LRRTM4: variants seen among roughly 807,000 people sequenced by gnomAD.
The protein encoded by LRRTM4 is leucine-rich repeat transmembrane neuronal protein 4.
A neutral mutation model predicts 47.6 loss-of-function variants in LRRTM4; 25 were observed. The ratio of observed to expected loss-of-function variants is 0.53; its 90% CI spans 0.38 to 0.73. LRRTM4 has a LOEUF of 0.73. LRRTM4 is among the 30% of genes least tolerant of loss of function. LRRTM4 has a pLI of 0.00. For missense variants in LRRTM4, 638 were observed against 713.4 expected, an observed-to-expected ratio of 0.89 and a Z score of 1.20; for synonymous variants, 311 against 269.5, an observed-to-expected ratio of 1.15 and a Z score of -1.51.
intron 3 of LRRTM4, among the ~76,000 whole-genome samples, chr2:77,077,173 A>T (rs1213805772): frequency 6.6e-6 from 1 of 152,332 alleles, no homozygotes; most frequent in East Asian, 1.9e-4. Context: ...ATATTGATTA[A>T]TGAGTTTGAT....
chr2:77,383,042 C>T (rs775928491), intron 3 of LRRTM4, among the ~76,000 whole-genome samples: 7 of 151,914 alleles, frequency 4.6e-5, no homozygotes, highest in Non-Finnish European at 7.4e-5. Context: ...CATGTTATTG[C>T]TAACATATAC....
intron 3 of LRRTM4, among the ~76,000 whole-genome samples, chr2:77,000,383 T>G (rs1677374195): frequency 6.6e-6 from 1 of 152,120 alleles, no homozygotes; most frequent in Non-Finnish European, 1.5e-5. Context: ...TTCAAAGGGT[T>G]ACAATAAATG....
chr2:77,253,528 A>C (rs1675679793), intron 3 of LRRTM4, among the ~76,000 whole-genome samples: 1 of 152,134 alleles, frequency 6.6e-6, no homozygotes, highest in Admixed American at 6.6e-5. Flanking sequence ...GTTATTCATA[A>C]TTTAATTTTT....
intron 3 of LRRTM4, among the ~76,000 whole-genome samples, chr2:76,950,338 T>C (rs964215573): frequency 2.0e-5 from 3 of 151,976 alleles, no homozygotes; most frequent in African/African-American, 7.2e-5. Context: ...GGTATTGGGA[T>C]GGAGTCAGAC....
At chr2:76,907,373 G>A (rs908856045) in intron 3 of LRRTM4, among the ~76,000 whole-genome samples, 13 of 150,804 alleles carry the variant, frequency 8.6e-5, no homozygotes, top group Non-Finnish European at 1.8e-4. Context: ...AGCACTAAAT[G>A]CCCACAAGAA....
In LRRTM4 at chr2:76,817,777, T is replaced by G. The variant is rs115458045; in HGVS notation, c.1552-68861A>C. 7.3e-3 allele frequency among the ~76,000 whole-genome samples: 1,118 copies of G among 152,118 alleles called. 15 individuals are homozygous for G. The highest frequency in any genetic ancestry group is 0.026 in the African/African-American group (1,065 of 41,530). ...TTAAATGGTCTTTGAACAAGAGATA[T>G]TTTTAACGATCCTATCAAATTTGCG... is the stretch of plus-strand genomic sequence containing the variant. On this transcript the variant is annotated intron_variant, in intron 3 of 3. Coordinates refer to ENST00000409884, the MANE Select transcript of LRRTM4 (RefSeq NM_001134745.3).
chr2:77,247,788 A>G (rs1675488363), intron 3 of LRRTM4, among the ~76,000 whole-genome samples: 1 of 152,052 alleles, frequency 6.6e-6, no homozygotes. Context: ...TGTCTATAAT[A>G]AAAGAAGTTT....
At position 77,075,045 on chromosome 2, in the gene LRRTM4, C is replaced by T. The variant is rs373400471; in HGVS notation, c.1552-326129G>A. ...CAAAACTGTCTCTGAGACACAGAAA[C>T]CAGATCAATATTCTTGCATAAAAAT... On this transcript the variant is annotated intron_variant, in intron 3 of 3. Coordinates refer to ENST00000409884, the MANE Select transcript of LRRTM4 (RefSeq NM_001134745.3). Among the ~76,000 whole-genome samples the T allele has an allele frequency of 4.6e-5, 7 of 152,170 alleles. No homozygotes were observed. The South Asian group carries it at 1.2e-3, about 27-fold the overall frequency.
intron 3 of LRRTM4, among the ~76,000 whole-genome samples, chr2:77,095,137 T>G (rs974185796): frequency 6.6e-6 from 1 of 152,152 alleles, no homozygotes; most frequent in Non-Finnish European, 1.5e-5. Flanking sequence ...ACAGAAGAGA[T>G]AAAAATATCC....
At chr2:76,785,691 C>T (rs187198637) in intron 3 of LRRTM4, among the ~76,000 whole-genome samples, 1 of 152,184 alleles carries the variant, frequency 6.6e-6, no homozygotes, top group East Asian at 1.9e-4. Flanking sequence ...TTTCACCCTT[C>T]TCATATTTGT....
intron 3 of LRRTM4, among the ~76,000 whole-genome samples, chr2:77,160,454 G>A (rs1357221337): frequency 1.3e-5 from 2 of 151,780 alleles, no homozygotes; most frequent in Non-Finnish European, 2.9e-5. Context: ...CAGTATTTTA[G>A]TGTTGAACTT....
chr2:77,146,188 T>A (rs6547125), intron 3 of LRRTM4, among the ~76,000 whole-genome samples: 1 of 152,164 alleles, frequency 6.6e-6, no homozygotes, highest in African/African-American at 2.4e-5. Flanking sequence ...TTCCTAGGGA[T>A]ATAAGGTCCT....
chr2:76,819,253 A>G (rs1670988132), intron 3 of LRRTM4, among the ~76,000 whole-genome samples: 1 of 69,632 alleles, frequency 1.4e-5, no homozygotes, highest in African/African-American at 5.6e-5. Context: ...GTTTTTAAAA[A>G]TATATGAGAC....
At chr2:77,023,407 C>A (rs565165972) in intron 3 of LRRTM4, among the ~76,000 whole-genome samples, 4 of 152,216 alleles carry the variant, frequency 2.6e-5, no homozygotes, top group Non-Finnish European at 4.4e-5. Flanking sequence ...TATGTAAATA[C>A]CTGCAGCTGG....
intron 3 of LRRTM4, among the ~76,000 whole-genome samples, chr2:76,814,061 G>A (rs970438730): frequency 3.3e-5 from 5 of 151,904 alleles, no homozygotes; most frequent in South Asian, 2.1e-4. Context: ...GACTTTGAAC[G>A]TTTTGAGGAG....
chr2:77,388,761 T>C (rs542837209), intron 3 of LRRTM4, among the ~76,000 whole-genome samples: 5 of 152,172 alleles, frequency 3.3e-5, no homozygotes, highest in African/African-American at 1.2e-4. Context: ...TTTTATGCCA[T>C]TAATTGTCAT....
chr2:76,789,421 C>T (rs1674850562), intron 3 of LRRTM4, among the ~76,000 whole-genome samples: 1 of 152,166 alleles, frequency 6.6e-6, no homozygotes, highest in African/African-American at 2.4e-5. Flanking sequence ...CAATCAACTT[C>T]AAAGAGTAAC....
intron 3 of LRRTM4, among the ~76,000 whole-genome samples, chr2:76,856,794 A>T (rs1672165319): frequency 1.3e-5 from 2 of 152,124 alleles, no homozygotes; most frequent in Non-Finnish European, 2.9e-5. Context: ...AAAGAAAAAA[A>T]AGCCTACTGA....
chr2:76,889,011 C>T (rs568040776), intron 3 of LRRTM4, among the ~76,000 whole-genome samples: 45 of 151,962 alleles, frequency 3.0e-4, no homozygotes, highest in African/African-American at 1.0e-3. Context: ...TTAAACATCT[C>T]ATGGCAATAT....
Sources: gnomAD v4.1 joint callset for allele counts (sites outside exome capture counted in the v4.1 genomes callset) on GRCh38, gnomAD v4.1.1 for gene constraint, MANE v1.5 for transcripts, NCBI Gene and HGNC (gene_info 2026-07-23, HGNC 2026-07-21) for gene names.